XKR6: variants seen among roughly 807,000 people sequenced by gnomAD.
XKR6 encodes XK-related protein 6.
A neutral mutation model predicts 56.7 loss-of-function variants in XKR6; 22 were observed. The ratio of observed to expected loss-of-function variants is 0.39; its 90% confidence interval spans 0.28 to 0.55. The LOEUF (loss-of-function observed/expected upper bound fraction) is 0.55, where lower values mean the gene tolerates loss of function less well. XKR6 is among the 20% of genes least tolerant of loss of function. XKR6 has a pLI of 0.66. For missense variants in XKR6, 852 were observed against 889.0 expected (o/e 0.96, Z 0.53); for synonymous variants, 524 against 387.8 (o/e 1.35, Z -4.13).
intron 1 of XKR6, among the ~76,000 whole-genome samples, chr8:11,139,028 T>C (rs1163775258): frequency 6.6e-6 from 1 of 152,152 alleles, no homozygotes; most frequent in Non-Finnish European, 1.5e-5. Context: ...CAGTAACTTG[T>C]TAATGATTAA....
chr8:11,126,829 C>G (rs953917708), intron 1 of XKR6, among the ~76,000 whole-genome samples: 4 of 152,150 alleles, frequency 2.6e-5, no homozygotes, highest in African/African-American at 9.7e-5. Flanking sequence ...GATGTATGTG[C>G]CCCTCCCACA....
intron 1 of XKR6, chr8:11,111,898 A>C (rs1798914869): frequency 6.6e-6 from 1 of 152,232 alleles, no homozygotes; most frequent in Non-Finnish European, 1.5e-5. Context: ...CAAACCTAAA[A>C]AACAAAAAGG....
chr8:10,996,635 G>C (rs772255604), intron 1 of XKR6, among the ~76,000 whole-genome samples: 4 of 152,154 alleles, frequency 2.6e-5, no homozygotes, highest in Admixed American at 1.3e-4. Flanking sequence ...TATGTGAGGG[G>C]CAGGGGTAAG....
At chr8:11,141,581 C>A (rs1213733425) in intron 1 of XKR6, among the ~76,000 whole-genome samples, 1 of 152,188 alleles carries the variant, frequency 6.6e-6, no homozygotes, top group African/African-American at 2.4e-5. Context: ...GACGTGGACC[C>A]CAGCTCTGAG....
intron 1 of XKR6, among the ~76,000 whole-genome samples, chr8:11,060,661 A>C (rs961750229): frequency 5.3e-5 from 8 of 152,230 alleles, no homozygotes; most frequent in Admixed American, 5.2e-4. Flanking sequence ...GAAGGGGAAG[A>C]CAGGGAAGAC....
chr8:11,056,188 C>T lies in XKR6; in HGVS notation c.765-131358G>A, dbSNP rs547680799. On this transcript the variant is annotated intron_variant, in intron 1 of 2. Transcript: ENST00000416569. Reference sequence around the variant, plus strand: ...AGAGGCTTCCGGAGGCGTCCTGCTGCGCTCCCCAGACTGGGAGGCAGAAGC... The same window carrying T: ...AGAGGCTTCCGGAGGCGTCCTGCTGTGCTCCCCAGACTGGGAGGCAGAAGC... 2.6e-5 allele frequency among the ~76,000 whole-genome samples: 4 copies of T among 152,348 alleles called. No homozygotes were observed. The East Asian group carries it at 5.8e-4, about 22-fold the overall frequency.
At chr8:11,111,007 T>A (rs964413987) in intron 1 of XKR6, among the ~76,000 whole-genome samples, 7 of 102,938 alleles carry the variant, frequency 6.8e-5, no homozygotes, top group Non-Finnish European at 1.2e-4. Context: ...TGGCTTTTTC[T>A]ATTTTTTTTT....
At chr8:11,191,203 G>A (rs1803554650) in intron 1 of XKR6, among the ~76,000 whole-genome samples, 2 of 152,114 alleles carry the variant, frequency 1.3e-5, no homozygotes, top group South Asian at 4.2e-4. Context: ...GGACAGCAGT[G>A]GCTATCAAAC....
chr8:10,966,257 A>G (rs1802218783), intron 1 of XKR6, among the ~76,000 whole-genome samples: 2 of 152,034 alleles, frequency 1.3e-5, no homozygotes, highest in African/African-American at 4.8e-5. Context: ...CAAGTTCCCA[A>G]GTGATGCTGA....
At chr8:11,103,290 A>T (rs1402477106) in intron 1 of XKR6, among the ~76,000 whole-genome samples, 1 of 152,196 alleles carries the variant, frequency 6.6e-6, no homozygotes, top group Non-Finnish European at 1.5e-5. Context: ...TGTGAAAAGC[A>T]ATGCTCCAAC....
chr8:10,975,635 C>G (rs953828496), intron 1 of XKR6, among the ~76,000 whole-genome samples: 1 of 152,226 alleles, frequency 6.6e-6, no homozygotes, highest in African/African-American at 2.4e-5. Context: ...GAAATGGAGA[C>G]ATCTGTCCCA....
chr8:10,978,954 G>C (rs1374804621), intron 1 of XKR6, among the ~76,000 whole-genome samples: 1 of 152,138 alleles, frequency 6.6e-6, no homozygotes, highest in South Asian at 2.1e-4. Context: ...CACAGAGACC[G>C]TACCCTCGGG....
chr8:10,939,438 C>G (rs930493832), intron 1 of XKR6, among the ~76,000 whole-genome samples: 16 of 152,214 alleles, frequency 1.1e-4, no homozygotes, highest in African/African-American at 3.4e-4. Flanking sequence ...TAAGGGACAG[C>G]TGCTCCCACA....
chr8:11,016,216 A>G (rs1018428353), intron 1 of XKR6, among the ~76,000 whole-genome samples: 5 of 152,026 alleles, frequency 3.3e-5, no homozygotes, highest in Admixed American at 3.3e-4. Context: ...CCCGGGCGGG[A>G]CCTTCCTCCC....
Position 11,200,967 on chromosome 8 carries a change from G to A in XKR6, c.373C>T (p.Pro125Ser). 1 of 1,524,788 alleles carries A rather than the reference G, an allele frequency of 6.6e-7. No individual in the cohort carries two copies. The highest frequency in any genetic ancestry group is 8.8e-7 in the Non-Finnish European group (1 of 1,139,220). The allele number at this position is 1,524,788 out of a possible 1,614,324, so 94.5% of individuals were successfully genotyped here. A position where few individuals can be genotyped will look rare whatever the true frequency, so the allele number is the denominator to read the frequency against. ...ACGATCCACAGGCAGTCGAGCCACGGCCGCTCCACCTGCGGCGGCGGCGGC... is the reference window on the plus strand; with the variant it reads ...ACGATCCACAGGCAGTCGAGCCACGACCGCTCCACCTGCGGCGGCGGCGGC... ...PEPPPPQVER[P>S]WLDCLWIVLA... Residue 125 changes from proline to serine, a missense_variant, in exon 1 of 3, where the codon CCG becomes TCG. Physicochemically the swap from Pro to Ser is moderately conservative, Grantham distance 74. Transcript: ENST00000416569. This position sits in a 1 kb window ranked among gnomAD's most constrained non-coding sequence, Gnocchi z 6.4.
chr8:11,011,895 G>A (rs1024393435), intron 1 of XKR6, among the ~76,000 whole-genome samples: 8 of 152,238 alleles, frequency 5.3e-5, no homozygotes, highest in Non-Finnish European at 1.0e-4. Flanking sequence ...GGAGGCCAGT[G>A]CAGTGTGGCA....
intron 1 of XKR6, among the ~76,000 whole-genome samples, chr8:11,065,485 C>A (rs752144055): frequency 6.6e-6 from 1 of 152,188 alleles, no homozygotes; most frequent in Non-Finnish European, 1.5e-5. Flanking sequence ...CATTTAGGTT[C>A]TGTGGCCGTG....
rs115123611 is a variant in XKR6 at position 11,061,239 on chromosome 8, G to A, written c.765-136409C>T. Among the ~76,000 whole-genome samples the A allele has an allele frequency of 7.1e-3, 1,083 of 152,304 alleles. 14 individuals carry two copies. The highest frequency in any genetic ancestry group is 0.023 in the African/African-American group (958 of 41,580). On this transcript the variant is annotated intron_variant, in intron 1 of 2. Coordinates refer to ENST00000416569, the MANE Select transcript of XKR6 (RefSeq NM_173683.4). ...GGCACTTTGGGAGGCCCAGGTGAGA[G>A]GATTGCTTGAGCCCCAGGAGTTTGA...
chr8:11,024,252 T>A (rs1043975489), intron 1 of XKR6, among the ~76,000 whole-genome samples: 4 of 143,750 alleles, frequency 2.8e-5, no homozygotes, highest in Non-Finnish European at 4.6e-5. Flanking sequence ...TGTGTGTGTG[T>A]GATTCTCCAT....
Sources: gnomAD v4.1 joint callset for allele counts (sites outside exome capture counted in the v4.1 genomes callset) on GRCh38, gnomAD v4.1.1 for gene constraint, Gnocchi (gnomAD v3.1) non-coding constraint, MANE v1.5 for transcripts, NCBI Gene and HGNC (gene_info 2026-07-23, HGNC 2026-07-21) for gene names.